Variants in TRPC4 observed in about 807,000 individuals in gnomAD.
The protein encoded by TRPC4 is transient receptor potential cation channel subfamily C member 4, also known as short transient receptor potential channel 4.
Under a neutral mutation model 99.4 loss-of-function variants are expected in TRPC4, and 49 were observed. That is an observed-to-expected ratio of 0.49 (90% confidence interval 0.39 to 0.63). TRPC4 has a LOEUF of 0.63. Ranked by LOEUF, TRPC4 falls within the 20% of genes least tolerant of loss-of-function variation. The pLI is 0.00. For missense variants in TRPC4, 898 were observed against 1,152.9 expected (o/e 0.78, Z 3.20); for synonymous variants, 454 against 425.9 (o/e 1.07, Z -0.81).
At chr13:37,814,483 A>G (rs188563068) in intron 1 of TRPC4, among the ~76,000 whole-genome samples, 3 of 152,008 alleles carry the variant, frequency 2.0e-5, no homozygotes, top group Admixed American at 2.0e-4. Flanking sequence ...ATATAACATG[A>G]ACATAAAATT....
At chr13:37,782,691 T>C (rs1449771942) in intron 2 of TRPC4, among the ~76,000 whole-genome samples, 1 of 151,980 alleles carries the variant, frequency 6.6e-6, no homozygotes, top group Non-Finnish European at 1.5e-5. Context: ...TTATGAGCAG[T>C]CTACTTAAAT....
At chr13:37,720,129 C>T (rs1954820299) in intron 3 of TRPC4, among the ~76,000 whole-genome samples, 1 of 151,878 alleles carries the variant, frequency 6.6e-6, no homozygotes, top group Non-Finnish European at 1.5e-5. Flanking sequence ...TCTGAGCTTC[C>T]AGAAGGAATG....
At chr13:37,724,714 G>A (rs1593593941) in intron 3 of TRPC4, among the ~76,000 whole-genome samples, 1 of 152,118 alleles carries the variant, frequency 6.6e-6, no homozygotes, top group Non-Finnish European at 1.5e-5. Context: ...GTTCCAAAAG[G>A]TCCTTTCACA....
chr13:37,785,689 ATTTAT>A (rs953431341), intron 1 of TRPC4, among the ~76,000 whole-genome samples: 2 of 151,712 alleles, frequency 1.3e-5, no homozygotes, highest in Admixed American at 6.6e-5. Context: ...GAAAAAACTA[ATTTAT>A]TTTATTTTTT....
chr13:37,672,570 G>A (rs1391055039), intron 5 of TRPC4, among the ~76,000 whole-genome samples: 1 of 152,132 alleles, frequency 6.6e-6, no homozygotes, highest in Non-Finnish European at 1.5e-5. Flanking sequence ...CTGGTATTGT[G>A]ATATAATCCC....
At chr13:37,780,191 A>G (rs1278135962) in intron 2 of TRPC4, among the ~76,000 whole-genome samples, 2 of 152,100 alleles carry the variant, frequency 1.3e-5, no homozygotes, top group African/African-American at 4.8e-5. Context: ...GATGACTATG[A>G]AATCTTTCTT....
chr13:37,787,442 A>G (rs1957000610), intron 1 of TRPC4, among the ~76,000 whole-genome samples: 1 of 152,062 alleles, frequency 6.6e-6, no homozygotes, highest in African/African-American at 2.4e-5. Context: ...TATTATCTCA[A>G]TAATCTTTCA....
At position 37,652,520 on chromosome 13, in the gene TRPC4, T is replaced by G. The variant is rs746325513; in HGVS notation, c.1885-1061A>C. ...GGCCTTATTGCTGCTAAGCAAATGT[T>G]TGGTAATATGGATTGATCCACATAA... is the stretch of plus-strand genomic sequence containing the variant. On this transcript the variant is annotated intron_variant, in intron 7 of 10. Coordinates refer to ENST00000379705, the MANE Select transcript of TRPC4 (RefSeq NM_016179.4). 2.0e-5 allele frequency among the ~76,000 whole-genome samples: 3 copies of G among 152,230 alleles called. No homozygotes were observed. The South Asian group carries it at 6.2e-4, about 32-fold the overall frequency.
At chr13:37,757,498 G>T (rs1157406445) in intron 2 of TRPC4, among the ~76,000 whole-genome samples, 1 of 151,996 alleles carries the variant, frequency 6.6e-6, no homozygotes, top group Non-Finnish European at 1.5e-5. Context: ...TTTAGGAGAA[G>T]TAATTGGAAA....
chr13:37,821,326 A>C (rs1365671642), intron 1 of TRPC4, among the ~76,000 whole-genome samples: 2 of 152,098 alleles, frequency 1.3e-5, no homozygotes, highest in African/African-American at 4.8e-5. Flanking sequence ...GACACAAATG[A>C]ATGGAAAAAT....
At chr13:37,664,822 A>T (rs552644100) in intron 5 of TRPC4, among the ~76,000 whole-genome samples, 30 of 152,294 alleles carry the variant, frequency 2.0e-4, no homozygotes, top group African/African-American at 6.7e-4. Context: ...ACAAATGTGA[A>T]TCAATTAATT....
chr13:37,721,639 GTTTAAC>G (rs1490328290), intron 3 of TRPC4, among the ~76,000 whole-genome samples: 13 of 152,122 alleles, frequency 8.5e-5, no homozygotes, highest in Admixed American at 8.5e-4. Flanking sequence ...TTCGAAGATT[GTTTAAC>G]TTTATCTTTA....
chr13:37,821,223 C>CACACACACACAA (rs1555278019), intron 1 of TRPC4, among the ~76,000 whole-genome samples: 2 of 150,144 alleles, frequency 1.3e-5, no homozygotes, highest in East Asian at 2.0e-4. Flanking sequence ...CACACACACA[C>CACACACACACAA]ACACACACAA....
chr13:37,807,202 A>G (rs1223202701), intron 1 of TRPC4, among the ~76,000 whole-genome samples: 1 of 152,004 alleles, frequency 6.6e-6, no homozygotes, highest in Non-Finnish European at 1.5e-5. Flanking sequence ...TGTTTATGAT[A>G]TGATATAATA....
intron 4 of TRPC4, among the ~76,000 whole-genome samples, chr13:37,683,692 C>T (rs1298828784): frequency 6.6e-6 from 1 of 152,130 alleles, no homozygotes; most frequent in African/African-American, 2.4e-5. Context: ...TAAGTCAGGA[C>T]ATTTAGCTTC....
chr13:37,812,991 C>G (rs1957747467), intron 1 of TRPC4, among the ~76,000 whole-genome samples: 1 of 151,734 alleles, frequency 6.6e-6, no homozygotes, highest in Non-Finnish European at 1.5e-5. Context: ...AACAGCAACT[C>G]TAAAATATTG....
chr13:37,834,010 TA>T (rs1958493433), intron 1 of TRPC4, among the ~76,000 whole-genome samples: 1 of 152,224 alleles, frequency 6.6e-6, no homozygotes, highest in Non-Finnish European at 1.5e-5. Flanking sequence ...TAATATTTTT[TA>T]TTCATTGGAA....
intron 3 of TRPC4, among the ~76,000 whole-genome samples, chr13:37,710,091 T>A (rs1954429711): frequency 6.6e-6 from 1 of 151,980 alleles, no homozygotes; most frequent in African/African-American, 2.4e-5. Context: ...AAATAGTCTA[T>A]CTGAAGCATT....
intron 1 of TRPC4, among the ~76,000 whole-genome samples, chr13:37,827,920 C>A (rs1259096844): frequency 6.6e-6 from 1 of 152,104 alleles, no homozygotes; most frequent in Non-Finnish European, 1.5e-5. Context: ...TAGCAATCAG[C>A]GAGACTCCAT....
Sources: allele counts gnomAD v4.1 joint callset (sites outside exome capture counted in the v4.1 genomes callset), GRCh38; gene constraint gnomAD v4.1.1; transcripts MANE v1.5; gene names NCBI Gene and HGNC (gene_info 2026-07-23, HGNC 2026-07-21).